SRCIN1: variants seen among roughly 807,000 people sequenced by gnomAD.
SRCIN1 encodes SRC kinase signaling inhibitor 1.
SRCIN1 carries 50 observed loss-of-function variants against 116.2 expected under a neutral mutation model. The ratio of observed to expected loss-of-function variants is 0.43; its 90% CI spans 0.34 to 0.54. The LOEUF (loss-of-function observed/expected upper bound fraction) is 0.54, where lower values mean the gene tolerates loss of function less well. Ranked by LOEUF, SRCIN1 falls within the 20% of genes least tolerant of loss-of-function variation. SRCIN1 has a pLI of 0.02. For synonymous variants in SRCIN1, 736 were observed against 750.0 expected, an observed-to-expected ratio of 0.98 and a Z score of 0.30; for missense variants, 1,446 against 1,672.0, an observed-to-expected ratio of 0.86 and a Z score of 2.36.
chr17:38,580,229 G>A lies in SRCIN1; in HGVS notation c.23-1438C>T, dbSNP rs930608611. 4.6e-5 allele frequency among the ~76,000 whole-genome samples: 7 copies of A among 152,274 alleles called. No homozygotes were observed. In the East Asian group the frequency reaches 1.3e-3, roughly 29 times the overall value. ...GTCTGCCATCCCCTGCCCAGCCACA[G>A]AGGAAAGAGGAGATTCAGCCAGGTT... On this transcript the variant is annotated intron_variant, in intron 1 of 18. Coordinates refer to ENST00000617146, the MANE Select transcript of SRCIN1 (RefSeq NM_025248.3).
At chr17:38,547,092 A>G (rs1285114222) in intron 17 of SRCIN1, among the ~76,000 whole-genome samples, 1 of 152,254 alleles carries the variant, frequency 6.6e-6, no homozygotes, top group Non-Finnish European at 1.5e-5. Flanking sequence ...GACTGACATT[A>G]GAGAGAAGGA....
rs376126531 is a variant in SRCIN1 at position 38,551,291 on chromosome 17, G to A, written c.2826C>T (p.Leu942=). ...RLLEETQAEL[L]KAIPDLDCAS... Reference sequence around the variant, plus strand: ...CACAGTCCAGGTCAGGGATGGCCTTGAGCAGCTCTGCCTGTGTCTCTTCCA... The same window carrying A: ...CACAGTCCAGGTCAGGGATGGCCTTAAGCAGCTCTGCCTGTGTCTCTTCCA... Residue 942 remains leucine, a synonymous_variant, in exon 15 of 19, where the codon CTC becomes CTT. Transcript: ENST00000617146. The A allele has an allele frequency of 5.0e-6, 8 of 1,613,740 alleles. No individual in the cohort carries two copies. Among genetic ancestry groups the A allele is most frequent in the Non-Finnish European group, 5.9e-6 (7 of 1,179,870 alleles).
At position 38,552,746 on chromosome 17, in the gene SRCIN1, C is replaced by T. The variant is rs1905517999; in HGVS notation, c.2311G>A (p.Glu771Lys). The T allele has an allele frequency of 1.2e-6, 2 of 1,613,864 alleles. No homozygotes were observed. The highest frequency in any genetic ancestry group is 1.3e-5 in the African/African-American group (1 of 74,934). The change falls in exon 12 of 19, where the codon GAG becomes AAG. Residue 771 changes from glutamate to lysine, a missense_variant. Around this residue, in one of 5 missense-constraint regions of SRCIN1, gnomAD observed 531 missense variants for 633.9 expected, o/e 0.84. Coordinates refer to ENST00000617146, the MANE Select transcript of SRCIN1 (RefSeq NM_025248.3). The surrounding 1 kb of genome is among the most constrained non-coding windows in gnomAD (Gnocchi z 5.3). ...CCACCCTTGAGCTCTGTCAGCGTCT[C>T]CCCGAGCTGCTTCAGCACCAGTGCC... ...EKALVLKQLG[E>K]TLTELKAHFP...
At chr17:38,599,863 C>G (rs1908927948) in intron 1 of SRCIN1, among the ~76,000 whole-genome samples, 1 of 152,200 alleles carries the variant, frequency 6.6e-6, no homozygotes, top group South Asian at 2.1e-4. Flanking sequence ...GGAATCGCCC[C>G]TCCAAGTCCT....
chr17:38,595,448 C>T (rs1908674902), intron 1 of SRCIN1, among the ~76,000 whole-genome samples: 1 of 152,228 alleles, frequency 6.6e-6, no homozygotes, highest in South Asian at 2.1e-4. Context: ...GAACTCCTGA[C>T]CTCATGATCC....
intron 1 of SRCIN1, among the ~76,000 whole-genome samples, chr17:38,589,704 GC>G (rs1324761114): frequency 2.6e-5 from 4 of 152,210 alleles, no homozygotes; most frequent in African/African-American, 9.6e-5. Flanking sequence ...GAGAGCCTCT[GC>G]CCAGCTTCCA....
At chr17:38,606,675 G>A (rs976191548), upstream of SRCIN1, among the ~76,000 whole-genome samples, 4 of 152,352 alleles carry the variant, frequency 2.6e-5, no homozygotes, top group South Asian at 2.1e-4. This position sits in a 1 kb window ranked among gnomAD's most constrained non-coding sequence, Gnocchi z 5.2. Flanking sequence ...CGGCGTCACT[G>A]CCGCCTCTAC....
At chr17:38,550,573 A>C (rs1390665685) in intron 15 of SRCIN1, among the ~76,000 whole-genome samples, 1 of 152,208 alleles carries the variant, frequency 6.6e-6, no homozygotes, top group Non-Finnish European at 1.5e-5. Flanking sequence ...TTCTTATCAC[A>C]GAGTAAGTGC....
Position 38,532,972 on chromosome 17 carries a change from G to A in SRCIN1, c.*325C>T, listed in dbSNP as rs1285925547. ...TCAGGATGGACTGGGGGAAAGAGTG[G>A]TGAAAGAGAAGAAGGAGAGATGTGA... On this transcript the variant is annotated 3_prime_UTR_variant, in exon 19 of 19. Coordinates refer to ENST00000617146, the MANE Select transcript of SRCIN1 (RefSeq NM_025248.3). This position sits in a 1 kb window ranked among gnomAD's most constrained non-coding sequence, Gnocchi z 4.3. The A allele has an allele frequency of 1.0e-5, 2 of 191,662 alleles. No homozygotes were observed. The highest frequency in any genetic ancestry group is 1.1e-5 in the Non-Finnish European group (1 of 95,040). 11.9% of individuals were successfully genotyped at this position (191,662 alleles called of 1,614,324 possible). A position where few individuals can be genotyped will look rare whatever the true frequency, so the allele number is the denominator to read the frequency against.
rs1407027607 is a variant in SRCIN1 at position 38,531,607 on chromosome 17, T to C, written c.*1690A>G. The C allele has an allele frequency of 6.7e-6, 1 of 149,636 alleles. No homozygotes were observed. The highest frequency in any genetic ancestry group is 2.4e-5 in the African/African-American group (1 of 41,046). The allele number at this position is 149,636 out of a possible 1,614,324, so 9.3% of individuals were successfully genotyped here. The stretch of plus-strand genomic sequence containing the variant: ...TTTTTTTCCAGGAGGGATTTTTTTT[T>C]TCCTCTTTTGTTATTTTTCAAAAAG... On this transcript the variant is annotated 3_prime_UTR_variant, in exon 19 of 19. Coordinates refer to ENST00000617146, the MANE Select transcript of SRCIN1 (RefSeq NM_025248.3).
chr17:38,552,040 A>G lies in SRCIN1; in HGVS notation c.2573T>C (p.Val858Ala), dbSNP rs1201565275. The G allele has an allele frequency of 6.2e-7, 1 of 1,613,570 alleles. No individual in the cohort carries two copies. The highest frequency in any genetic ancestry group is 8.5e-7 in the Non-Finnish European group (1 of 1,179,876). ...VTAETDFNKS[V>A]DFEMPPPSPP... ...GCTGGGGGGTGGCATTTCGAAGTCC[A>G]CGCTCTTGTTGAAGTCAGTCTCTGC... The change falls in exon 14 of 19, where the codon GTG (valine) becomes GCG (alanine). Residue 858 changes from valine (V) to alanine (A), a missense_variant. Transcript: ENST00000617146. This position sits in a 1 kb window ranked among gnomAD's most constrained non-coding sequence, Gnocchi z 5.3.
At position 38,548,617 on chromosome 17, in the gene SRCIN1, G is replaced by A; in HGVS notation, c.3210C>T (p.Pro1070=). 1.2e-6 allele frequency: 2 copies of A among 1,613,164 alleles called. No homozygotes were observed. The highest frequency in any genetic ancestry group is 1.7e-6 in the Non-Finnish European group (2 of 1,179,794). ...CGTCCTTGATGGCCGAGGCCATGAT[G>A]GGTGGTGTGGAGGCTGGGCGGGCCA... ...SEVARPASTP[P]IMASAIKDED... is the part of the protein sequence containing the mutation. The change falls in exon 17 of 19, where the codon CCC becomes CCT. Residue 1070 remains proline, a synonymous_variant. Transcript: ENST00000617146.
intron 1 of SRCIN1, among the ~76,000 whole-genome samples, chr17:38,582,697 C>T (rs190957416): frequency 2.4e-4 from 37 of 152,300 alleles, no homozygotes; most frequent in Admixed American, 2.1e-3. Context: ...ATGTGAAAAG[C>T]TTTAGAATCT....
Position 38,562,295 on chromosome 17 carries a change from G to A in SRCIN1, c.868C>T (p.Pro290Ser). The change falls in exon 7 of 19, where the codon CCC (proline) becomes TCC (serine). Residue 290 changes from proline to serine, a missense_variant. Physicochemically the swap from Pro to Ser is moderately conservative, Grantham distance 74 (BLOSUM62 -1). Around this residue, in one of 5 missense-constraint regions of SRCIN1, gnomAD observed 239 missense variants for 317.7 expected, o/e 0.75. Coordinates refer to ENST00000617146, the MANE Select transcript of SRCIN1 (RefSeq NM_025248.3). This position sits in a 1 kb window ranked among gnomAD's most constrained non-coding sequence, Gnocchi z 4.2. ...GACAGGTTGTTGAGGCGCCGCGTGGGCGAGGACTCCCGCGATGCGTACACC... is the reference window on the plus strand; with the variant it reads ...GACAGGTTGTTGAGGCGCCGCGTGGACGAGGACTCCCGCGATGCGTACACC... ...EMVYASRESS[P>S]TRRLNNLSPA... is the part of the protein sequence containing the mutation. 2.0e-6 allele frequency: 3 copies of A among 1,479,000 alleles called. No homozygotes were observed. The highest frequency in any genetic ancestry group is 2.7e-6 in the Non-Finnish European group (3 of 1,124,202). 91.6% of individuals were successfully genotyped at this position (1,479,000 alleles called of 1,614,324 possible).
At chr17:38,565,149 C>T (rs979197849) in intron 3 of SRCIN1, among the ~76,000 whole-genome samples, 5 of 151,962 alleles carry the variant, frequency 3.3e-5, no homozygotes, top group South Asian at 2.1e-4. Flanking sequence ...TGGCTCTCTC[C>T]GTGGGGGAGG....
intron 17 of SRCIN1, among the ~76,000 whole-genome samples, chr17:38,547,315 G>A (rs1905130414): frequency 6.6e-6 from 1 of 152,182 alleles, no homozygotes; most frequent in Non-Finnish European, 1.5e-5. Flanking sequence ...CAGCGAAGAT[G>A]GAGGTGGGGG....
chr17:38,578,812 A>G (rs1456542282), intron 1 of SRCIN1, 21 bp from the exon 2 acceptor site: 1 of 1,463,184 alleles, frequency 6.8e-7, no homozygotes, highest in Non-Finnish European at 9.0e-7. Context: ...TGAGAGGGGC[A>G]CGGCTGGGTC....
In SRCIN1 at chr17:38,562,815, G is replaced by A. The variant is rs1449855157; in HGVS notation, c.834+12C>T. The A allele has an allele frequency of 1.9e-6, 3 of 1,612,196 alleles. No homozygotes were observed. Among genetic ancestry groups the A allele is most frequent in the Non-Finnish European group, 2.5e-6 (3 of 1,179,028 alleles). On this transcript the variant is annotated intron_variant, in intron 6 of 18. Transcript: ENST00000617146. The surrounding 1 kb of genome is among the most constrained non-coding windows in gnomAD (Gnocchi z 4.2). Reference sequence around the variant, plus strand: ...CCAGCCTCCCCAATGCCCTGGGCATGCCCAGCCATACCCGGAGGTCCCCGT... The same window carrying A: ...CCAGCCTCCCCAATGCCCTGGGCATACCCAGCCATACCCGGAGGTCCCCGT...
chr17:38,603,735 G>A (rs541294048), intron 1 of SRCIN1, among the ~76,000 whole-genome samples: 2 of 152,186 alleles, frequency 1.3e-5, no homozygotes, highest in East Asian at 3.9e-4. Flanking sequence ...GGTGGGGACA[G>A]CGGGGTGGAG....
Sources: allele counts gnomAD v4.1 joint callset (sites outside exome capture counted in the v4.1 genomes callset), GRCh38; gene constraint gnomAD v4.1.1; regional missense constraint gnomAD v4.1.1; non-coding constraint Gnocchi (gnomAD v3.1); transcripts MANE v1.5; gene names NCBI Gene and HGNC (gene_info 2026-07-23, HGNC 2026-07-21).